The following TMPRSS9 variants were observed in gnomAD, a reference collection of about 807,000 sequenced individuals.
The protein encoded by TMPRSS9 is transmembrane serine protease 9, also known as transmembrane protease serine 9.
TMPRSS9 carries 113 observed loss-of-function variants against 111.4 expected under a neutral mutation model. The ratio of observed to expected loss-of-function variants is 1.01; its 90% CI spans 0.87 to 1.19. The LOEUF is 1.19. Ranked by LOEUF, TMPRSS9 falls within the 50% of genes most tolerant of loss-of-function variation. TMPRSS9 has a pLI of 0.00. For synonymous variants in TMPRSS9, 805 were observed against 659.1 expected, an observed-to-expected ratio of 1.22 and a Z score of -3.39; for missense variants, 1,803 against 1,513.1, an observed-to-expected ratio of 1.19 and a Z score of -3.18.
At chr19:2,384,981 C>CA (rs1340652495), upstream of TMPRSS9, among the ~76,000 whole-genome samples, 449 of 99,300 alleles carry the variant, frequency 4.5e-3, 4 homozygotes, top group African/African-American at 0.012. Flanking sequence ...AACTCCATCT[C>CA]AAAAAAAAAA....
exon 13 of TMPRSS9, chr19:2,418,007 A>C (rs1204592271): frequency 5.0e-6 from 8 of 1,611,272 alleles, no homozygotes; most frequent in African/African-American, 2.7e-5. Flanking sequence ...GGTAGCCACC[A>C]AGCCCGAGCT....
In TMPRSS9 at chr19:2,407,812, T is replaced by C. The variant is rs563368513; in HGVS notation, c.843-544T>C. Among the ~76,000 whole-genome samples the C allele has an allele frequency of 1.2e-3, 175 of 148,454 alleles. 1 individual carries two copies. The highest frequency in any genetic ancestry group is 4.2e-3 in the African/African-American group (170 of 40,272). ...TATATATATTTTTTCTGAGACAGAGTCTTGCTCTGTCGCCCAGGCTGGAGT... is the reference window on the plus strand; with the variant it reads ...TATATATATTTTTTCTGAGACAGAGCCTTGCTCTGTCGCCCAGGCTGGAGT... On this transcript the variant is annotated intron_variant, in intron 7 of 17. Transcript: ENST00000648592.
chr19:2,405,560 C>T lies in TMPRSS9; in HGVS notation c.842+15C>T, dbSNP rs1275232865. ...TGCTTCAATGAGTAAGCCCCCATCC[C>T]AAAGCACCAAACCCGAACCCTCTGT... is the stretch of plus-strand genomic sequence containing the variant. On this transcript the variant is annotated intron_variant, in intron 7 of 17. Transcript: ENST00000648592. The T allele has an allele frequency of 1.1e-5, 17 of 1,529,912 alleles. No individual in the cohort carries two copies. Among genetic ancestry groups the T allele is most frequent in the African/African-American group, 4.2e-5 (3 of 70,916 alleles). 94.8% of individuals were successfully genotyped at this position (1,529,912 alleles called of 1,614,324 possible).
chr19:2,420,464 C>T lies in TMPRSS9; in HGVS notation c.2155-1390C>T, dbSNP rs1019990957. On this transcript the variant is annotated intron_variant, in intron 13 of 17. Coordinates refer to ENST00000648592, the Ensembl canonical transcript of TMPRSS9. Reference sequence around the variant, plus strand: ...CTCAAAAAAAAAAAAAAAAAAATGGCATCAGATTTCAATAGTAACTCTCAA... The same window carrying T: ...CTCAAAAAAAAAAAAAAAAAAATGGTATCAGATTTCAATAGTAACTCTCAA... Among the ~76,000 whole-genome samples, 14 of 144,536 alleles carry T rather than the reference C, an allele frequency of 9.7e-5. No individual in the cohort carries two copies. In the South Asian group the frequency reaches 1.3e-3, roughly 14 times the overall value. 94.8% of individuals were successfully genotyped at this position (144,536 alleles called of 152,430 possible).
chr19:2,390,312 G>A (rs915050309), intron 1 of TMPRSS9, among the ~76,000 whole-genome samples: 2 of 133,366 alleles, frequency 1.5e-5, no homozygotes, highest in Admixed American at 8.1e-5. Flanking sequence ...GTGATATCTC[G>A]GCTCACTGCA....
chr19:2,418,375 C>T lies in TMPRSS9; in HGVS notation c.2154+237C>T, dbSNP rs1237364396. On this transcript the variant is annotated intron_variant, in intron 13 of 17. Transcript: ENST00000648592. ...CCTCCCTCCCTCCCTTCCCTTCCCT[C>T]CCTCCCTTTCCTTCCCTCCCTGGCC... 2.8e-3 allele frequency among the ~76,000 whole-genome samples: 133 copies of T among 48,050 alleles called. 6 individuals carry two copies. Among genetic ancestry groups the T allele is most frequent in the Middle Eastern group, 0.013 (1 of 76 alleles). 31.5% of individuals were successfully genotyped at this position (48,050 alleles called of 152,430 possible).
chr19:2,396,465 G>T, intron 1 of TMPRSS9, 74 bp from the exon 3 acceptor site: 1 of 1,488,854 alleles, frequency 6.7e-7, no homozygotes, highest in Admixed American at 2.1e-5. Context: ...ACAGGGCGGG[G>T]CCTGGGTGGC....
In TMPRSS9 at chr19:2,425,018, CAGTGGGCGGCCTT is replaced by C; in HGVS notation, c.2735_2747del (p.Gln912ProfsTer2). On this transcript the variant is annotated frameshift_variant, in exon 16 of 18. Transcript: ENST00000648592. LOFTEE classifies it high-confidence loss of function. ...GCCCCGCAGCTACGGGGACCCCAAGCAGTGGGCGGCCTTCCTAGGCACGCCGTTCCTGAGCGGC... is the reference window on the plus strand; with the variant it reads ...GCCCCGCAGCTACGGGGACCCCAAGCCCTAGGCACGCCGTTCCTGAGCGGC... 1 of 1,539,164 alleles carries C rather than the reference CAGTGGGCGGCCTT, an allele frequency of 6.5e-7. No homozygotes were observed. The highest frequency in any genetic ancestry group is 8.7e-7 in the Non-Finnish European group (1 of 1,149,762).
At chr19:2,425,759 C>T (rs1196152513) in intron 17 of TMPRSS9, 168 bp from the exon 19 acceptor site, 1 of 1,175,902 alleles carries the variant, frequency 8.5e-7, no homozygotes. Context: ...GACCACGTGG[C>T]GGGTGTCCAT....
chr19:2,421,781 G>C, intron 13 of TMPRSS9, 73 bp from the exon 15 acceptor site: 1 of 1,491,330 alleles, frequency 6.7e-7, no homozygotes, highest in Non-Finnish European at 9.0e-7. Context: ...CTGTAGGAAC[G>C]CAGGAGGGTA....
intron 13 of TMPRSS9, among the ~76,000 whole-genome samples, chr19:2,421,266 T>C (rs1279760296): frequency 5.9e-5 from 9 of 151,958 alleles, no homozygotes; most frequent in African/African-American, 1.7e-4. Context: ...GGTGGGACTA[T>C]TCATGGCTGT....
chr19:2,394,101 G>A (rs975732677), intron 1 of TMPRSS9, among the ~76,000 whole-genome samples: 3 of 152,050 alleles, frequency 2.0e-5, no homozygotes, highest in Non-Finnish European at 4.4e-5. Flanking sequence ...TACTCGGGAA[G>A]CTAAGGCAAG....
chr19:2,374,383 A>G (rs1192718138), intron 1 of TMPRSS9, among the ~76,000 whole-genome samples: 2 of 133,500 alleles, frequency 1.5e-5, no homozygotes, highest in African/African-American at 3.1e-5. Context: ...GACCACCCTG[A>G]CCAATATGGT....
At chr19:2,385,201 C>CGCGGGGGGCG, upstream of TMPRSS9, among the ~76,000 whole-genome samples, 1 of 16,694 alleles carries the variant, frequency 6.0e-5, no homozygotes, top group South Asian at 1.7e-3. Flanking sequence ...GGGCGGGGCT[C>CGCGGGGGGCG]GAGGGGGCGG....
intron 1 of TMPRSS9, among the ~76,000 whole-genome samples, chr19:2,370,529 T>C (rs1254872482): frequency 7.2e-5 from 11 of 151,990 alleles, no homozygotes; most frequent in Non-Finnish European, 1.5e-4. Flanking sequence ...GGGGTCTCGC[T>C]ATGTTCCTCA....
At chr19:2,378,911 C>T (rs1165244289) in intron 1 of TMPRSS9, among the ~76,000 whole-genome samples, 1 of 152,078 alleles carries the variant, frequency 6.6e-6, no homozygotes, top group Non-Finnish European at 1.5e-5. Flanking sequence ...CTTATAAAAC[C>T]ATAAGATCTT....
At chr19:2,417,428 T>C (rs1048529242) in intron 12 of TMPRSS9, among the ~76,000 whole-genome samples, 1 of 147,490 alleles carries the variant, frequency 6.8e-6, no homozygotes, top group African/African-American at 2.5e-5. Context: ...ATTGTGCCAC[T>C]GCACTCCAGC....
chr19:2,393,553 C>T (rs565615259), intron 1 of TMPRSS9, among the ~76,000 whole-genome samples: 21 of 152,222 alleles, frequency 1.4e-4, no homozygotes, highest in Admixed American at 3.3e-4. Context: ...CAAGAACCCA[C>T]GAATTTCGGA....
chr19:2,367,411 T>TC (rs1970256106), intron 1 of TMPRSS9, among the ~76,000 whole-genome samples: 1 of 152,080 alleles, frequency 6.6e-6, no homozygotes, highest in African/African-American at 2.4e-5. Context: ...CTTTTTTTTT[T>TC]CAAGATGGAG....
Sources: allele counts gnomAD v4.1 joint callset (sites outside exome capture counted in the v4.1 genomes callset), GRCh38; gene constraint gnomAD v4.1.1; transcripts MANE v1.5; gene names NCBI Gene and HGNC (gene_info 2026-07-23, HGNC 2026-07-21).